Variants in GTF3C6 observed in about 807,000 individuals in gnomAD.
GTF3C6 encodes the protein general transcription factor IIIC subunit 6.
A neutral mutation model predicts 19.2 loss-of-function variants in GTF3C6; 11 were observed. The ratio of observed to expected loss-of-function variants is 0.57; its 90% CI spans 0.36 to 0.95. GTF3C6 has a LOEUF of 0.95. Ranked by LOEUF, GTF3C6 falls within the 40% of genes least tolerant of loss-of-function variation. GTF3C6 has a pLI of 0.01. For synonymous variants in GTF3C6, 87 were observed against 84.2 expected (o/e 1.03, Z -0.18); for missense variants, 222 against 254.7 (o/e 0.87, Z 0.87).
chr6:110,965,707 T>C (rs1470777376), intron 5 of GTF3C6, among the ~76,000 whole-genome samples: 1 of 152,206 alleles, frequency 6.6e-6, no homozygotes, highest in African/African-American at 2.4e-5. Context: ...TCCTAGTCTT[T>C]AATAATCTGA....
intron 5 of GTF3C6, among the ~76,000 whole-genome samples, chr6:110,965,124 G>A (rs1022228965): frequency 2.1e-5 from 3 of 140,326 alleles, no homozygotes; most frequent in Non-Finnish European, 3.0e-5. Context: ...GTGCACCACC[G>A]CACCCAACCT....
intron 5 of GTF3C6, among the ~76,000 whole-genome samples, chr6:110,963,541 T>TA (rs1583247718): frequency 1.3e-5 from 2 of 152,156 alleles, no homozygotes; most frequent in African/African-American, 4.8e-5. Flanking sequence ...CAAACCTTGT[T>TA]ATGATGTCAG....
chr6:110,963,233 ATATTAAAATTGAGGGTAC>A, intron 5 of GTF3C6, among the ~76,000 whole-genome samples: 1 of 152,224 alleles, frequency 6.6e-6, no homozygotes, highest in Non-Finnish European at 1.5e-5. Context: ...TATGTTTAAT[ATATTAAAATTGAGGGTAC>A]TCCATCTAAA....
intron 5 of GTF3C6, among the ~76,000 whole-genome samples, chr6:110,966,253 C>T (rs1213503971): frequency 1.3e-5 from 2 of 152,068 alleles, no homozygotes; most frequent in Non-Finnish European, 2.9e-5. Flanking sequence ...GCAGGTGGAT[C>T]ACTTGAGGTC....
chr6:110,967,084 C>T (rs574648633), intron 5 of GTF3C6, among the ~76,000 whole-genome samples: 11 of 151,820 alleles, frequency 7.2e-5, no homozygotes, highest in African/African-American at 2.4e-4. Context: ...ACCAGGGAGG[C>T]GGAGGTTGCA....
chr6:110,960,022 C>G (rs1410061341), intron 2 of GTF3C6, among the ~76,000 whole-genome samples: 1 of 151,536 alleles, frequency 6.6e-6, no homozygotes, highest in Non-Finnish European at 1.5e-5. Flanking sequence ...GCCTGTGGTC[C>G]CTGCTGCTCA....
In GTF3C6 at chr6:110,960,635, A is replaced by G; in HGVS notation, c.247+19A>G. On this transcript the variant is annotated intron_variant, in intron 4 of 5. Coordinates refer to ENST00000329970, the MANE Select transcript of GTF3C6 (RefSeq NM_138408.4). ...GAACATGGTAAGTGATTGCTAGCCC[A>G]GCCCTTTTTAATACGAACTATTTCA... 6.3e-7 allele frequency: 1 copy of G among 1,591,332 alleles called. No individual in the cohort carries two copies. The highest frequency in any genetic ancestry group is 8.6e-7 in the Non-Finnish European group (1 of 1,159,332).
chr6:110,959,273 G>A (rs1429912386), intron 2 of GTF3C6, 21 bp downstream of exon 2: 1 of 1,439,252 alleles, frequency 6.9e-7, no homozygotes. Context: ...TAGACTTGGG[G>A]GGATTGTTCT....
chr6:110,964,202 C>T (rs112203222), intron 5 of GTF3C6, among the ~76,000 whole-genome samples: 2 of 151,854 alleles, frequency 1.3e-5, no homozygotes, highest in Admixed American at 1.3e-4. Context: ...TAGTTGGGAC[C>T]ACAGGCGTGT....
chr6:110,964,360 T>C (rs928124845), intron 5 of GTF3C6, among the ~76,000 whole-genome samples: 1 of 152,012 alleles, frequency 6.6e-6, no homozygotes, highest in Non-Finnish European at 1.5e-5. Flanking sequence ...TTCTCCTGCC[T>C]CACCCTCCTG....
rs1231747502 is a variant in GTF3C6 at position 110,967,662 on chromosome 6, G to A, written c.514G>A (p.Asp172Asn). 8 of 1,613,888 alleles carry A rather than the reference G, an allele frequency of 5.0e-6. No individual in the cohort carries two copies. The highest frequency in any genetic ancestry group is 2.2e-5 in the South Asian group (2 of 91,078). Residue 172 changes from aspartate to asparagine, a missense_variant, in exon 6 of 6, where the codon GAC (aspartate) becomes AAC (asparagine). Transcript: ENST00000329970. ...ELEEEEIQMNDSSNLSCEQEK... is the reference protein window; with the variant it reads ...ELEEEEIQMNNSSNLSCEQEK... ...GGAAGAGGAAGAGATTCAAATGAACGACAGTTCAAACCTGAGTTGTGAACA... is the reference window on the plus strand; with the variant it reads ...GGAAGAGGAAGAGATTCAAATGAACAACAGTTCAAACCTGAGTTGTGAACA...
intron 2 of GTF3C6, among the ~76,000 whole-genome samples, chr6:110,959,912 G>A (rs374900653): frequency 4.0e-4 from 61 of 152,018 alleles, no homozygotes; most frequent in Middle Eastern, 3.4e-3. Context: ...AGCCGAGATC[G>A]CGCCACTGTA....
At chr6:110,959,885 A>G (rs1204442432) in intron 2 of GTF3C6, among the ~76,000 whole-genome samples, 1 of 152,102 alleles carries the variant, frequency 6.6e-6, no homozygotes, top group Non-Finnish European at 1.5e-5. Flanking sequence ...TGATCCCTGG[A>G]GGCAGAGGTT....
chr6:110,958,735 T>A lies in GTF3C6; in HGVS notation c.-35T>A. ...TCAAGATGGCGGCTCCGGGCGGGCG[T>A]GGCCAGTGACTAGAAGGCGAGGCGC... On this transcript the variant is annotated 5_prime_UTR_variant, in exon 1 of 6. Coordinates refer to ENST00000329970, the MANE Select transcript of GTF3C6 (RefSeq NM_138408.4). 1 of 1,549,578 alleles carries A rather than the reference T, an allele frequency of 6.5e-7. No homozygotes were observed. Among genetic ancestry groups the A allele is most frequent in the Non-Finnish European group, 8.7e-7 (1 of 1,146,552 alleles).
intron 5 of GTF3C6, among the ~76,000 whole-genome samples, chr6:110,966,559 A>G (rs1184154421): frequency 6.6e-6 from 1 of 152,214 alleles, no homozygotes; most frequent in East Asian, 1.9e-4. Context: ...CATGAATACC[A>G]GGAAGGTGAA....
At chr6:110,964,575 TG>T (rs1771205103) in intron 5 of GTF3C6, among the ~76,000 whole-genome samples, 1 of 152,130 alleles carries the variant, frequency 6.6e-6, no homozygotes, top group Non-Finnish European at 1.5e-5. Context: ...CTCACCCTGT[TG>T]CCTGGGCTTG....
intron 5 of GTF3C6, among the ~76,000 whole-genome samples, chr6:110,963,071 C>G (rs918108155): frequency 3.9e-5 from 6 of 152,158 alleles, no homozygotes; most frequent in African/African-American, 1.4e-4. Context: ...GCCACCGGTG[C>G]CTGGCCACGC....
In GTF3C6 at chr6:110,958,797, C is replaced by G; in HGVS notation, c.28C>G (p.Pro10Ala). Residue 10 changes from proline (P) to alanine (A), a missense_variant, in exon 1 of 6, where the codon CCA becomes GCA. Pro to Ala is a conservative substitution (Grantham distance 27). Transcript: ENST00000329970. The stretch of plus-strand genomic sequence containing the variant: ...GGCGGCGGCGGCGGACGAGCGGAGT[C>G]CAGAGGACGGAGAAGACGAGGAAGA... MAAAADERS[P>A]EDGEDEEEEE... 6.4e-7 allele frequency: 1 copy of G among 1,551,156 alleles called. No individual in the cohort carries two copies. Among genetic ancestry groups the G allele is most frequent in the Non-Finnish European group, 8.7e-7 (1 of 1,146,986 alleles).
At chr6:110,962,805 G>T (rs1673469162) in intron 5 of GTF3C6, among the ~76,000 whole-genome samples, 1 of 151,716 alleles carries the variant, frequency 6.6e-6, no homozygotes, top group Admixed American at 6.6e-5. Flanking sequence ...TCCAGACGAA[G>T]TCTCGCACTG....
Sources: gnomAD v4.1 joint callset for allele counts (sites outside exome capture counted in the v4.1 genomes callset) on GRCh38, gnomAD v4.1.1 for gene constraint, MANE v1.5 for transcripts, NCBI Gene and HGNC (gene_info 2026-07-23, HGNC 2026-07-21) for gene names.